Variants in HECW2 observed in about 807,000 individuals in gnomAD.
The protein encoded by HECW2 is E3 ubiquitin-protein ligase HECW2.
A neutral mutation model predicts 175.2 loss-of-function variants in HECW2; 61 were observed. That is an observed-to-expected ratio of 0.35 (90% CI 0.28 to 0.43). HECW2 has a LOEUF of 0.43. Among genes scored for constraint, HECW2 ranks in the 20% least tolerant of loss-of-function variants. The probability of loss-of-function intolerance (pLI) is 1.00; values close to 1 mark genes in which losing one functional copy is unlikely to be tolerated. For missense variants in HECW2, 1,524 were observed against 2,000.5 expected, an observed-to-expected ratio of 0.76 and a Z score of 4.54; for synonymous variants, 671 against 731.0, an observed-to-expected ratio of 0.92 and a Z score of 1.32.
intron 3 of HECW2, among the ~76,000 whole-genome samples, chr2:196,341,665 T>A (rs1280133385): frequency 2.6e-5 from 4 of 152,204 alleles, no homozygotes. Flanking sequence ...GACCTTCCTT[T>A]CTCTCTGCTT....
chr2:196,467,390 G>A (rs1305598070), intron 1 of HECW2, among the ~76,000 whole-genome samples: 1 of 152,084 alleles, frequency 6.6e-6, no homozygotes, highest in Non-Finnish European at 1.5e-5. Flanking sequence ...GAAGGAGGGA[G>A]GGAAGGGGAG....
intron 21 of HECW2, among the ~76,000 whole-genome samples, chr2:196,229,769 T>A (rs1687983122): frequency 6.6e-6 from 1 of 152,248 alleles, no homozygotes; most frequent in Non-Finnish European, 1.5e-5. Flanking sequence ...ATTTTTGTTA[T>A]ATCTGAATAT....
intron 4 of HECW2, 73 bp from the exon 5 acceptor site, chr2:196,329,723 A>G: frequency 1.7e-6 from 2 of 1,150,744 alleles, no homozygotes; most frequent in Non-Finnish European, 2.6e-6. Flanking sequence ...GAAACCATGT[A>G]TGTTCCTAAA....
At chr2:196,255,218 T>C (rs867627929) in intron 18 of HECW2, among the ~76,000 whole-genome samples, 5 of 148,684 alleles carry the variant, frequency 3.4e-5, no homozygotes, top group African/African-American at 1.2e-4. Flanking sequence ...CTCGATCTCC[T>C]GACCTCATCA....
At position 196,196,039 on chromosome 2, in the gene HECW2, G is replaced by C. The variant is rs1361278147; in HGVS notation, c.*5238C>G. 6.6e-6 allele frequency: 1 copy of C among 151,954 alleles called. No homozygotes were observed. Among genetic ancestry groups the C allele is most frequent in the Non-Finnish European group, 1.5e-5 (1 of 68,020 alleles). 9.4% of individuals were successfully genotyped at this position (151,954 alleles called of 1,614,324 possible). On this transcript the variant is annotated 3_prime_UTR_variant, in exon 29 of 29. Transcript: ENST00000644978. ...GCCCTAAGATGATCCATCTACCGTT[G>C]TTTTAACTTTCCCTCCACTACACTC...
chr2:196,363,026 A>G (rs1012068106), intron 2 of HECW2, among the ~76,000 whole-genome samples: 1 of 152,180 alleles, frequency 6.6e-6, no homozygotes, highest in Non-Finnish European at 1.5e-5. Flanking sequence ...TAACCCAGAC[A>G]CAGTTTGCCC....
intron 15 of HECW2, among the ~76,000 whole-genome samples, chr2:196,274,414 C>A (rs1397010213): frequency 6.6e-6 from 1 of 152,220 alleles, no homozygotes; most frequent in Non-Finnish European, 1.5e-5. Flanking sequence ...ACTGAGGCTG[C>A]AGCAGCTAAA....
chr2:196,521,594 C>T (rs1472165017), intron 1 of HECW2, among the ~76,000 whole-genome samples: 1 of 149,462 alleles, frequency 6.7e-6, no homozygotes, highest in Non-Finnish European at 1.5e-5. Flanking sequence ...AACTCATCAT[C>T]TAGCATTAGG....
At chr2:196,247,513 A>G (rs976244532) in intron 19 of HECW2, among the ~76,000 whole-genome samples, 7 of 152,182 alleles carry the variant, frequency 4.6e-5, no homozygotes, top group African/African-American at 1.7e-4. Context: ...ACAAAAGATC[A>G]ATGTTACATC....
chr2:196,325,014 A>C lies in HECW2; in HGVS notation c.707T>G (p.Ile236Ser), dbSNP rs371038783. ...CCAAATTGGATTGGTGGTGTTACTGATGATAGTAGACCGTCTCTCCTGCCC... is the reference window on the plus strand; with the variant it reads ...CCAAATTGGATTGGTGGTGTTACTGCTGATAGTAGACCGTCTCTCCTGCCC... ...HHGQERRSTIISNTTNPIWHR... is the reference protein window; with the variant it reads ...HHGQERRSTISSNTTNPIWHR... The change falls in exon 6 of 29, where the codon ATC becomes AGC. Residue 236 changes from isoleucine to serine, a missense_variant. This residue lies in a region of HECW2 where 95 missense variants were observed against 136.8 expected (regional missense o/e 0.69). Transcript: ENST00000644978. 3 of 1,599,718 alleles carry C rather than the reference A, an allele frequency of 1.9e-6. No individual in the cohort carries two copies. Among genetic ancestry groups the C allele is most frequent in the Non-Finnish European group, 2.6e-6 (3 of 1,175,628 alleles).
chr2:196,254,865 T>C (rs971969157), intron 18 of HECW2, among the ~76,000 whole-genome samples: 3 of 152,228 alleles, frequency 2.0e-5, no homozygotes, highest in Non-Finnish European at 2.9e-5. Context: ...CATGGGTTTA[T>C]TGGCTATTCA....
chr2:196,278,596 T>C lies in HECW2; in HGVS notation c.3067A>G (p.Ser1023Gly). Residue 1023 changes from serine (S) to glycine (G), a missense_variant, in exon 15 of 29, where the codon AGT becomes GGT. Physicochemically the swap from Ser to Gly is moderately conservative, Grantham distance 56 (BLOSUM62 0). Transcript: ENST00000644978. ...FIDPRLPLQS[S>G]RPTSALVHRQ... ...TGAACCAGCGCACTTGTGGGTCTAC[T>C]GCTCTGAAGTGGGAGCCGGGGATCA... The C allele has an allele frequency of 6.2e-7, 1 of 1,614,102 alleles. No individual in the cohort carries two copies. The highest frequency in any genetic ancestry group is 8.5e-7 in the Non-Finnish European group (1 of 1,180,004).
intron 1 of HECW2, among the ~76,000 whole-genome samples, chr2:196,442,726 A>G (rs1696076301): frequency 6.6e-6 from 1 of 152,340 alleles, no homozygotes; most frequent in East Asian, 1.9e-4. Context: ...TTAATAACAC[A>G]CATAGAAAAA....
intron 1 of HECW2, among the ~76,000 whole-genome samples, chr2:196,438,963 T>C (rs1448751597): frequency 6.6e-6 from 1 of 152,224 alleles, no homozygotes; most frequent in Non-Finnish European, 1.5e-5. Flanking sequence ...GGAGGTTTTC[T>C]ATATATTCCT....
At chr2:196,437,071 G>A (rs1426426385) in intron 1 of HECW2, among the ~76,000 whole-genome samples, 1 of 152,042 alleles carries the variant, frequency 6.6e-6, no homozygotes, top group East Asian at 1.9e-4. Flanking sequence ...CTTTTCAGAT[G>A]AGGAAACTGA....
At chr2:196,552,208 T>C (rs1371599959) in intron 1 of HECW2, among the ~76,000 whole-genome samples, 2 of 152,194 alleles carry the variant, frequency 1.3e-5, no homozygotes, top group African/African-American at 2.4e-5. Context: ...GGGAGAGATA[T>C]TTAAGTTGTA....
At chr2:196,329,729 C>T in intron 4 of HECW2, 79 bp from the exon 5 acceptor site, 10 of 1,134,434 alleles carry the variant, frequency 8.8e-6, no homozygotes, top group Non-Finnish European at 1.3e-5. Flanking sequence ...ATGTATGTTC[C>T]TAAATGCAAT....
rs746599367 is a variant in HECW2, at chr2:196,319,714, C to T, written c.1176G>A (p.Leu392=). Residue 392 remains leucine, a synonymous_variant, in exon 9 of 29, where the codon CTG becomes CTA. Transcript: ENST00000644978. The part of the protein sequence containing the change: ...PKHSFRTSST[L]EIDTEELTST... ...AGGTTAATTCCTCTGTGTCTATTTC[C>T]AGAGTGGAGCTAGTCCTGAATGAAT... 7 of 1,614,022 alleles carry T rather than the reference C, an allele frequency of 4.3e-6. No homozygotes were observed. Among genetic ancestry groups the T allele is most frequent in the Non-Finnish European group, 5.9e-6 (7 of 1,180,030 alleles).
intron 1 of HECW2, among the ~76,000 whole-genome samples, chr2:196,540,896 A>G (rs1388786911): frequency 6.6e-6 from 1 of 152,238 alleles, no homozygotes; most frequent in Non-Finnish European, 1.5e-5. Context: ...TACTGATGAC[A>G]GAGAATGTGA....
Sources: allele counts gnomAD v4.1 joint callset (sites outside exome capture counted in the v4.1 genomes callset), GRCh38; gene constraint gnomAD v4.1.1; regional missense constraint gnomAD v4.1.1; transcripts MANE v1.5; gene names NCBI Gene and HGNC (gene_info 2026-07-23, HGNC 2026-07-21).